Variants in IDO2 observed in about 807,000 individuals in gnomAD.
The protein encoded by IDO2 is indoleamine 2,3-dioxygenase-like 1 protein.
A neutral mutation model predicts 45.1 loss-of-function variants in IDO2; 46 were observed. That is an observed-to-expected ratio of 1.02 (90% CI 0.80 to 1.30). IDO2 has a LOEUF of 1.30. Among genes scored for constraint, IDO2 ranks in the 50% most tolerant of loss-of-function variants. The pLI, the probability that IDO2 is intolerant of heterozygous loss-of-function variation, is 0.00. For synonymous variants in IDO2, 218 were observed against 184.9 expected, an observed-to-expected ratio of 1.18 and a Z score of -1.45; for missense variants, 544 against 491.8, an observed-to-expected ratio of 1.11 and a Z score of -1.00.
intron 3 of IDO2, among the ~76,000 whole-genome samples, chr8:39,972,466 T>G (rs1423466315): frequency 6.6e-6 from 1 of 151,600 alleles, no homozygotes; most frequent in African/African-American, 2.4e-5. Flanking sequence ...AAAAATTAGC[T>G]GGTCATGGTG....
intron 3 of IDO2, among the ~76,000 whole-genome samples, chr8:39,966,380 T>C (rs979575311): frequency 6.6e-6 from 1 of 152,142 alleles, no homozygotes; most frequent in African/African-American, 2.4e-5. Flanking sequence ...AGGCCAGTTT[T>C]TAGACTTTAC....
intron 5 of IDO2, 48 bp downstream of exon 5, chr8:39,982,818 A>G (rs1350351714): frequency 1.7e-6 from 2 of 1,210,978 alleles, no homozygotes; most frequent in African/African-American, 3.1e-5. Context: ...TTCCCCCAGG[A>G]AACACCCAGG....
At chr8:39,975,517 A>G (rs1384294159) in intron 3 of IDO2, among the ~76,000 whole-genome samples, 2 of 152,236 alleles carry the variant, frequency 1.3e-5, no homozygotes, top group Non-Finnish European at 2.9e-5. Flanking sequence ...TTCCCAATAT[A>G]TCATCTGAAA....
intron 2 of IDO2, among the ~76,000 whole-genome samples, chr8:39,957,494 T>TC (rs11409690): frequency 0.19 from 28,733 of 152,038 alleles, 2,720 homozygotes; most frequent in East Asian, 0.27. Flanking sequence ...GTGCCTGTGT[T>TC]CCAGCTACTT....
At chr8:39,976,801 A>G (rs1808266069) in intron 3 of IDO2, among the ~76,000 whole-genome samples, 7 of 152,306 alleles carry the variant, frequency 4.6e-5, no homozygotes, top group Admixed American at 3.3e-4. Flanking sequence ...GTACCTTTCC[A>G]TTTTGATGGA....
intron 2 of IDO2, among the ~76,000 whole-genome samples, chr8:39,956,918 C>T (rs1308043432): frequency 6.6e-6 from 1 of 151,380 alleles, no homozygotes; most frequent in African/African-American, 2.4e-5. Context: ...TGGTATACAC[C>T]TGTAGTCCCA....
intron 10 of IDO2, among the ~76,000 whole-genome samples, chr8:40,014,180 A>G (rs571418385): frequency 3.9e-5 from 6 of 152,162 alleles, no homozygotes; most frequent in Non-Finnish European, 7.4e-5. Flanking sequence ...TCATTTTCTT[A>G]CCTGCCAGGA....
intron 4 of IDO2, among the ~76,000 whole-genome samples, 180 bp from the exon 5 acceptor site, chr8:39,982,472 C>A (rs1472719162): frequency 6.6e-6 from 1 of 152,112 alleles, no homozygotes; most frequent in Non-Finnish European, 1.5e-5. Context: ...AGTATTTCCA[C>A]TGGGTCATTA....
chr8:40,003,966 T>C (rs2129595278), intron 8 of IDO2, among the ~76,000 whole-genome samples: 1 of 150,496 alleles, frequency 6.6e-6, no homozygotes, highest in South Asian at 2.1e-4. Flanking sequence ...TTTTTACATC[T>C]ATTGAAATCA....
At chr8:40,003,434 T>C (rs1208051897) in intron 8 of IDO2, among the ~76,000 whole-genome samples, 1 of 151,904 alleles carries the variant, frequency 6.6e-6, no homozygotes, top group Non-Finnish European at 1.5e-5. Flanking sequence ...TTTTCTTCAA[T>C]TTCTTTCAAG....
rs547866538 is a variant in IDO2 at position 40,005,902 on chromosome 8, G to A, written c.719+524G>A. On this transcript the variant is annotated intron_variant, in intron 9 of 10. Transcript: ENST00000502986. Reference sequence around the variant, plus strand: ...GAGGTGATTATGTCTCCTCTGAGAGGAGAAGACAATCCCCTGAGTGGAACT... The same window carrying A: ...GAGGTGATTATGTCTCCTCTGAGAGAAGAAGACAATCCCCTGAGTGGAACT... 2.6e-5 allele frequency among the ~76,000 whole-genome samples: 4 copies of A among 152,314 alleles called. No homozygotes were observed. The East Asian group carries it at 7.7e-4, about 29-fold the overall frequency.
chr8:40,000,532 T>G (rs537265506), intron 8 of IDO2, among the ~76,000 whole-genome samples: 1 of 152,346 alleles, frequency 6.6e-6, no homozygotes, highest in South Asian at 2.1e-4. Context: ...ATTTCCCTAT[T>G]TCACTAAGGG....
intron 7 of IDO2, among the ~76,000 whole-genome samples, chr8:39,989,382 G>A (rs554982143): frequency 2.0e-5 from 3 of 150,786 alleles, no homozygotes; most frequent in South Asian, 2.1e-4. Flanking sequence ...TGAGAGCTTC[G>A]GAGCAAGGAT....
chr8:39,955,123 G>A (rs1409379292), intron 2 of IDO2, among the ~76,000 whole-genome samples: 1 of 150,282 alleles, frequency 6.7e-6, no homozygotes, highest in Non-Finnish European at 1.5e-5. Flanking sequence ...TAGGAATTTG[G>A]GGGAGACACA....
chr8:39,985,104 G>A, intron 5 of IDO2: 1 of 305,504 alleles, frequency 3.3e-6, no homozygotes, highest in South Asian at 2.9e-5. Context: ...ACTAATTTTT[G>A]TATTTTTAGA....
At chr8:39,994,354 T>C (rs1801998243) in intron 8 of IDO2, among the ~76,000 whole-genome samples, 1 of 151,396 alleles carries the variant, frequency 6.6e-6, no homozygotes, top group African/African-American at 2.4e-5. Context: ...GCGTCCCAGG[T>C]TTAAGTGATT....
chr8:39,934,902 T>C, exon 1 of IDO2: 1 of 538,152 alleles, frequency 1.9e-6, no homozygotes, highest in Admixed American at 3.4e-5. Flanking sequence ...TGGTAAGGGA[T>C]CATTTGCTGG....
At chr8:40,002,614 C>T (rs943969176) in intron 8 of IDO2, among the ~76,000 whole-genome samples, 18 of 152,008 alleles carry the variant, frequency 1.2e-4, no homozygotes, top group Admixed American at 5.2e-4. Context: ...GATGAAACCC[C>T]GTCTCTACTA....
exon 11 of IDO2, chr8:40,015,965 T>TAAA (rs1485842993): frequency 0.24 from 63,046 of 259,466 alleles, 13,370 homozygotes; most frequent in South Asian, 0.46. Flanking sequence ...TTGATTTTCT[T>TAAA]AAAAAACAAA....
Sources: gnomAD v4.1 joint callset for allele counts (sites outside exome capture counted in the v4.1 genomes callset) on GRCh38, gnomAD v4.1.1 for gene constraint, MANE v1.5 for transcripts, NCBI Gene and HGNC (gene_info 2026-07-23, HGNC 2026-07-21) for gene names.